POU6F2: variants seen among roughly 807,000 people sequenced by gnomAD.
POU6F2 encodes POU domain, class 6, transcription factor 2.
Under a neutral mutation model 71.3 loss-of-function variants are expected in POU6F2, and 31 were observed. The observed-to-expected ratio is 0.43, with a 90% confidence interval of 0.33 to 0.59. The LOEUF (loss-of-function observed/expected upper bound fraction) is 0.59. POU6F2 is among the 20% of genes least tolerant of loss of function. POU6F2 has a pLI of 0.04. For missense variants in POU6F2, 783 were observed against 856.8 expected, an observed-to-expected ratio of 0.91 and a Z score of 1.07; for synonymous variants, 347 against 355.7, an observed-to-expected ratio of 0.98 and a Z score of 0.27.
chr7:39,416,400 C>G (rs576303488), intron 6 of POU6F2, among the ~76,000 whole-genome samples: 4 of 152,104 alleles, frequency 2.6e-5, no homozygotes, highest in African/African-American at 7.2e-5. Flanking sequence ...GTGAGTGCTT[C>G]GTATGGGCAC....
chr7:39,028,528 T>C (rs1428757780), intron 1 of POU6F2, among the ~76,000 whole-genome samples: 1 of 152,124 alleles, frequency 6.6e-6, no homozygotes, highest in Non-Finnish European at 1.5e-5. Flanking sequence ...GTTGAAATTT[T>C]GTTTTGAATG....
chr7:39,195,045 C>T (rs1793756979), intron 2 of POU6F2, among the ~76,000 whole-genome samples: 3 of 152,170 alleles, frequency 2.0e-5, no homozygotes, highest in Admixed American at 6.5e-5. Context: ...TCAGCCAGAC[C>T]AAGAACCCAG....
At chr7:39,153,072 T>C (rs1057213368) in intron 2 of POU6F2, among the ~76,000 whole-genome samples, 3 of 152,200 alleles carry the variant, frequency 2.0e-5, no homozygotes, top group African/African-American at 7.2e-5. Context: ...TTGGCAGGTT[T>C]ATCTGCTTTT....
intron 5 of POU6F2, among the ~76,000 whole-genome samples, chr7:39,355,749 G>A (rs1786243347): frequency 6.6e-6 from 1 of 152,156 alleles, no homozygotes; most frequent in Admixed American, 6.5e-5. Context: ...CTATGTGGTT[G>A]AAAACACACA....
chr7:39,243,469 A>G (rs1286641000), intron 4 of POU6F2, among the ~76,000 whole-genome samples: 2 of 152,034 alleles, frequency 1.3e-5, no homozygotes, highest in African/African-American at 4.8e-5. Flanking sequence ...CTTGGGAACA[A>G]TTATGCCCTG....
At chr7:39,174,324 T>C (rs369405982) in intron 2 of POU6F2, among the ~76,000 whole-genome samples, 2 of 152,172 alleles carry the variant, frequency 1.3e-5, no homozygotes, top group African/African-American at 4.8e-5. Context: ...TGAATTCTTG[T>C]TGGTTGCCAC....
intron 2 of POU6F2, among the ~76,000 whole-genome samples, chr7:39,106,347 A>G (rs1430324297): frequency 6.9e-6 from 1 of 145,762 alleles, no homozygotes; most frequent in East Asian, 1.9e-4. Context: ...ATAAATTTCA[A>G]ACACCCACAA....
chr7:39,076,767 C>T (rs1201041354), intron 1 of POU6F2, among the ~76,000 whole-genome samples: 1 of 152,070 alleles, frequency 6.6e-6, no homozygotes, highest in Non-Finnish European at 1.5e-5. Context: ...TCTCTAAAAC[C>T]CTCAGGGCTT....
chr7:39,381,682 G>A (rs558450085), intron 5 of POU6F2, among the ~76,000 whole-genome samples: 2 of 152,190 alleles, frequency 1.3e-5, no homozygotes, highest in African/African-American at 2.4e-5. Context: ...GCAAAAGACT[G>A]ATTTGTACAT....
intron 4 of POU6F2, among the ~76,000 whole-genome samples, chr7:39,237,863 G>A (rs1794701782): frequency 6.6e-6 from 1 of 152,066 alleles, no homozygotes; most frequent in African/African-American, 2.4e-5. Flanking sequence ...GAATTTAAAT[G>A]TAACATTACT....
intron 5 of POU6F2, among the ~76,000 whole-genome samples, chr7:39,365,446 A>G (rs1786481682): frequency 6.6e-6 from 1 of 152,244 alleles, no homozygotes; most frequent in Non-Finnish European, 1.5e-5. Context: ...CTAGTAGATA[A>G]CATTGCAAAA....
chr7:39,362,450 A>C (rs1786409460), intron 5 of POU6F2, among the ~76,000 whole-genome samples: 1 of 152,172 alleles, frequency 6.6e-6, no homozygotes, highest in African/African-American at 2.4e-5. Context: ...TGGAATACTA[A>C]GATTTACAGA....
At chr7:39,431,640 C>G (rs1267580490) in intron 6 of POU6F2, among the ~76,000 whole-genome samples, 1 of 152,162 alleles carries the variant, frequency 6.6e-6, no homozygotes, top group Non-Finnish European at 1.5e-5. Flanking sequence ...GATGGAAAAG[C>G]GAGCACGTGG....
At chr7:39,292,842 C>T (rs764478866) in intron 4 of POU6F2, among the ~76,000 whole-genome samples, 3 of 152,108 alleles carry the variant, frequency 2.0e-5, no homozygotes, top group Non-Finnish European at 2.9e-5. Context: ...CATCTAGCCT[C>T]AAAGAAGATA....
chr7:39,462,854 T>A (rs1222263007), intron 9 of POU6F2, among the ~76,000 whole-genome samples: 1 of 152,218 alleles, frequency 6.6e-6, no homozygotes, highest in Non-Finnish European at 1.5e-5. Context: ...TAAAATTTGG[T>A]TCTGTTTGTG....
chr7:39,406,821 T>C, intron 6 of POU6F2, 81 bp downstream of exon 6: 1 of 1,535,204 alleles, frequency 6.5e-7, no homozygotes, highest in Non-Finnish European at 8.9e-7. Flanking sequence ...TGCATGACAG[T>C]GATATGTAAC....
intron 1 of POU6F2, among the ~76,000 whole-genome samples, chr7:39,072,804 C>T (rs1396500663): frequency 1.3e-5 from 2 of 152,134 alleles, no homozygotes; most frequent in Non-Finnish European, 2.9e-5. Flanking sequence ...AAACTCCCTG[C>T]GTGGAGCGAC....
At chr7:39,097,156 C>T (rs373950103) in intron 2 of POU6F2, among the ~76,000 whole-genome samples, 18 of 152,070 alleles carry the variant, frequency 1.2e-4, no homozygotes, top group Non-Finnish European at 2.2e-4. Context: ...GTATATATGC[C>T]CTTTTCCAGA....
chr7:39,247,838 T>A (rs923520395), intron 4 of POU6F2, among the ~76,000 whole-genome samples: 1 of 152,220 alleles, frequency 6.6e-6, no homozygotes, highest in Non-Finnish European at 1.5e-5. Context: ...CCAGGGCAGC[T>A]AATAGGTAGG....
Sources: allele counts gnomAD v4.1 joint callset (sites outside exome capture counted in the v4.1 genomes callset), GRCh38; gene constraint gnomAD v4.1.1; transcripts MANE v1.5; gene names NCBI Gene and HGNC (gene_info 2026-07-23, HGNC 2026-07-21).